NEBL: variants seen among roughly 807,000 people sequenced by gnomAD.
NEBL encodes the protein nebulette.
In NEBL, 122 loss-of-function variants were observed where a neutral mutation model predicts 140.2. The ratio of observed to expected loss-of-function variants is 0.87; its 90% CI spans 0.75 to 1.01. NEBL has a LOEUF of 1.01. NEBL is among the 50% of genes least tolerant of loss of function. The pLI is 0.00. For synonymous variants in NEBL, 436 were observed against 398.9 expected (o/e 1.09, Z -1.11); for missense variants, 1,365 against 1,231.3 (o/e 1.11, Z -1.62).
intron 2 of NEBL, chr10:21,029,476 T>G: frequency 2.5e-6 from 4 of 1,611,350 alleles, no homozygotes; most frequent in Non-Finnish European, 3.4e-6. Flanking sequence ...CAATTAAGAG[T>G]CTCTAGGTAA....
At chr10:21,119,484 A>C (rs61188943) in intron 2 of NEBL, among the ~76,000 whole-genome samples, 17,248 of 145,474 alleles carry the variant, frequency 0.12, 2,089 homozygotes, top group African/African-American at 0.31. Flanking sequence ...TAGTTATATT[A>C]ATATACTGAA....
intron 1 of NEBL, among the ~76,000 whole-genome samples, chr10:21,275,579 C>T (rs1842910347): frequency 6.6e-6 from 1 of 151,982 alleles, no homozygotes; most frequent in African/African-American, 2.4e-5. Flanking sequence ...TACTTGCACC[C>T]ATGTGTCTTG....
intron 9 of NEBL, among the ~76,000 whole-genome samples, chr10:20,854,630 T>A (rs544804437): frequency 7.0e-6 from 1 of 142,490 alleles, no homozygotes; most frequent in East Asian, 2.1e-4. Flanking sequence ...AGTGGAGGGA[T>A]CATGGCTCAC....
intron 2 of NEBL, among the ~76,000 whole-genome samples, chr10:21,048,899 C>G (rs1257560831): frequency 6.6e-6 from 1 of 152,102 alleles, no homozygotes; most frequent in Non-Finnish European, 1.5e-5. Flanking sequence ...ATCCGAGGTA[C>G]TCAGGAGGCT....
intron 12 of NEBL, among the ~76,000 whole-genome samples, chr10:20,843,858 A>G (rs1304861941): frequency 6.6e-6 from 1 of 152,122 alleles, no homozygotes; most frequent in Non-Finnish European, 1.5e-5. Context: ...CTTCTAGCTT[A>G]TTAAAAACAT....
chr10:21,055,112 T>C (rs903820253), intron 2 of NEBL, among the ~76,000 whole-genome samples: 1 of 152,204 alleles, frequency 6.6e-6, no homozygotes, highest in African/African-American at 2.4e-5. Context: ...ATACTGAGAA[T>C]TCTTTTAAGC....
intron 2 of NEBL, among the ~76,000 whole-genome samples, chr10:21,129,674 G>A (rs994144195): frequency 1.3e-5 from 2 of 151,734 alleles, no homozygotes; most frequent in African/African-American, 2.4e-5. Flanking sequence ...TTTGAAAGAG[G>A]ATTTGGATTA....
chr10:21,061,551 TATATAAATATAA>T (rs71392110), intron 2 of NEBL, among the ~76,000 whole-genome samples: 1 of 146,782 alleles, frequency 6.8e-6, no homozygotes, highest in South Asian at 2.1e-4. Context: ...ATTTTATACA[TATATAAATATAA>T]ATATAAATAG....
At chr10:21,024,990 T>A (rs1411656419) in intron 2 of NEBL, among the ~76,000 whole-genome samples, 1 of 152,126 alleles carries the variant, frequency 6.6e-6, no homozygotes, top group African/African-American at 2.4e-5. Context: ...TTGTGAAAGG[T>A]CTTCCTAAAA....
intron 1 of NEBL, among the ~76,000 whole-genome samples, chr10:21,281,444 A>C (rs1842992935): frequency 6.6e-6 from 1 of 151,106 alleles, no homozygotes; most frequent in Non-Finnish European, 1.5e-5. Flanking sequence ...TTACAGGTAC[A>C]CACCACCACT....
chr10:21,103,334 C>A (rs1391332582), intron 2 of NEBL, among the ~76,000 whole-genome samples: 1 of 151,880 alleles, frequency 6.6e-6, no homozygotes, highest in Non-Finnish European at 1.5e-5. Flanking sequence ...CTGCCTCAGC[C>A]TCCCCAGTAG....
chr10:20,826,373 T>G, intron 18 of NEBL, 74 bp downstream of exon 18: 1 of 1,157,996 alleles, frequency 8.6e-7, no homozygotes, highest in Non-Finnish European at 1.3e-6. Context: ...ATCAGTTGAG[T>G]AAAGAACTAA....
chr10:20,802,962 A>G (rs1156331365), intron 26 of NEBL, among the ~76,000 whole-genome samples: 1 of 152,178 alleles, frequency 6.6e-6, no homozygotes, highest in Non-Finnish European at 1.5e-5. Context: ...TAAGCCTAAT[A>G]AGGTTAAATG....
chr10:21,125,649 G>C (rs766038886), intron 2 of NEBL: 1 of 506,228 alleles, frequency 2.0e-6, no homozygotes, highest in Non-Finnish European at 3.5e-6. Flanking sequence ...ATCAAAAATA[G>C]TTTGATGGAT....
At chr10:20,966,321 C>A (rs771380622) in intron 3 of NEBL, among the ~76,000 whole-genome samples, 9 of 152,134 alleles carry the variant, frequency 5.9e-5, no homozygotes, top group Non-Finnish European at 1.0e-4. Flanking sequence ...GAATTTAAAC[C>A]GATTCTTTTC....
At chr10:21,179,185 C>A (rs1031847708), upstream of NEBL, among the ~76,000 whole-genome samples, 2 of 152,138 alleles carry the variant, frequency 1.3e-5, no homozygotes, top group East Asian at 3.9e-4. Context: ...GCTCATGCAG[C>A]CTTAATCACA....
At chr10:20,960,468 A>G (rs1054325600) in intron 4 of NEBL, among the ~76,000 whole-genome samples, 2 of 152,088 alleles carry the variant, frequency 1.3e-5, no homozygotes, top group Admixed American at 6.5e-5. Flanking sequence ...TCTTCAAAGG[A>G]AATCCCTACT....
At chr10:21,240,305 A>C (rs1842422783) in intron 3 of NEBL, among the ~76,000 whole-genome samples, 1 of 152,152 alleles carries the variant, frequency 6.6e-6, no homozygotes, top group Non-Finnish European at 1.5e-5. Context: ...CGTTGCATGT[A>C]AGTATAGTCT....
At chr10:21,157,006 G>A (rs1420865655) in intron 2 of NEBL, among the ~76,000 whole-genome samples, 1 of 152,038 alleles carries the variant, frequency 6.6e-6, no homozygotes, top group African/African-American at 2.4e-5. Flanking sequence ...TCTCCTACAA[G>A]CAAGAACAAT....
Sources: allele counts gnomAD v4.1 joint callset (sites outside exome capture counted in the v4.1 genomes callset), GRCh38; gene constraint gnomAD v4.1.1; transcripts MANE v1.5; gene names NCBI Gene and HGNC (gene_info 2026-07-23, HGNC 2026-07-21).